The following SOX6 variants were observed in gnomAD, a reference collection of about 807,000 sequenced individuals.
SOX6 encodes transcription factor SOX-6.
In SOX6, 11 loss-of-function variants were observed where a neutral mutation model predicts 97.8. The observed-to-expected ratio is 0.11, with a 90% CI of 0.07 to 0.19. The LOEUF (loss-of-function observed/expected upper bound fraction) is 0.19, where lower values mean the gene tolerates loss of function less well. Among genes scored for constraint, SOX6 ranks in the 10% least tolerant of loss-of-function variants. The pLI is 1.00. For missense variants in SOX6, 810 were observed against 1,039.5 expected (o/e 0.78, Z 3.04); for synonymous variants, 360 against 371.4 (o/e 0.97, Z 0.35).
chr11:16,054,642 T>C (rs537116592), intron 10 of SOX6, among the ~76,000 whole-genome samples: 13 of 152,256 alleles, frequency 8.5e-5, no homozygotes, highest in Non-Finnish European at 1.8e-4. Context: ...ATTTCAGTGA[T>C]TATATAGCAT....
At chr11:16,453,621 C>A (rs1157851593) in intron 1 of SOX6, among the ~76,000 whole-genome samples, 1 of 152,090 alleles carries the variant, frequency 6.6e-6, no homozygotes, top group Non-Finnish European at 1.5e-5. Context: ...AACTCTTACC[C>A]TTTCCTATGT....
chr11:16,325,323 C>T (rs1171782370), intron 2 of SOX6, among the ~76,000 whole-genome samples: 2 of 151,790 alleles, frequency 1.3e-5, no homozygotes, highest in Admixed American at 6.6e-5. Context: ...AAATGTGCTC[C>T]CCCACACACA....
intron 9 of SOX6, among the ~76,000 whole-genome samples, chr11:16,058,266 C>T (rs1847866879): frequency 6.6e-6 from 1 of 151,912 alleles, no homozygotes; most frequent in Non-Finnish European, 1.5e-5. Context: ...TCTCTGATTG[C>T]TTCTTTTTAT....
At chr11:16,639,884 A>G (rs572394109) in intron 3 of SOX6, among the ~76,000 whole-genome samples, 57 of 152,144 alleles carry the variant, frequency 3.7e-4, no homozygotes, top group African/African-American at 1.3e-3. Flanking sequence ...CTCTTTTCCT[A>G]ATTGAATACC....
intron 2 of SOX6, among the ~76,000 whole-genome samples, chr11:16,339,981 T>C (rs1254086883): frequency 6.6e-6 from 1 of 152,092 alleles, no homozygotes; most frequent in Non-Finnish European, 1.5e-5. Flanking sequence ...GTCTAGAAAC[T>C]ACCTTTCAAT....
At chr11:16,721,395 G>A (rs1469220127) in intron 2 of SOX6, among the ~76,000 whole-genome samples, 2 of 152,128 alleles carry the variant, frequency 1.3e-5, no homozygotes, top group African/African-American at 4.8e-5. Context: ...TCCCCCAAGG[G>A]GGAAACTTGA....
chr11:16,308,222 A>G (rs1855494974), intron 3 of SOX6, among the ~76,000 whole-genome samples: 1 of 152,232 alleles, frequency 6.6e-6, no homozygotes, highest in African/African-American at 2.4e-5. Flanking sequence ...GGACAGTTTC[A>G]AGCATAATGA....
chr11:16,634,832 G>A (rs997202949), intron 3 of SOX6, among the ~76,000 whole-genome samples: 1 of 152,152 alleles, frequency 6.6e-6, no homozygotes, highest in African/African-American at 2.4e-5. Context: ...CCAGTGAGGG[G>A]TAATCGAATC....
In SOX6 at chr11:15,971,290, A is replaced by G. The variant is rs545042156; in HGVS notation, c.*1519T>C. The G allele has an allele frequency of 6.5e-6, 1 of 152,732 alleles. No individual in the cohort carries two copies. Among genetic ancestry groups the G allele is most frequent in the African/African-American group, 2.4e-5 (1 of 41,552 alleles). 9.5% of individuals were successfully genotyped at this position (152,732 alleles called of 1,614,324 possible). On this transcript the variant is annotated 3_prime_UTR_variant, in exon 16 of 16. Coordinates refer to ENST00000683767, the MANE Select transcript of SOX6 (RefSeq NM_001367873.1). ...CTGAGGCTGTCATGTGGCTTTTTGCATCCTGGGGATTTTGCAATGAACTCC... is the reference window on the plus strand; with the variant it reads ...CTGAGGCTGTCATGTGGCTTTTTGCGTCCTGGGGATTTTGCAATGAACTCC...
At chr11:16,387,056 A>G (rs913899162) in intron 1 of SOX6, among the ~76,000 whole-genome samples, 2 of 152,146 alleles carry the variant, frequency 1.3e-5, no homozygotes, top group Non-Finnish European at 2.9e-5. Flanking sequence ...GATTAACTTA[A>G]CATGTATCTC....
intron 2 of SOX6, among the ~76,000 whole-genome samples, chr11:16,718,266 A>T (rs79391566): frequency 1.3e-5 from 2 of 151,516 alleles, no homozygotes; most frequent in African/African-American, 2.4e-5. Context: ...AAAAAAAAAA[A>T]TTTCATTCCT....
intron 12 of SOX6, among the ~76,000 whole-genome samples, chr11:16,039,730 A>T (rs1394110701): frequency 6.6e-6 from 1 of 152,094 alleles, no homozygotes; most frequent in Non-Finnish European, 1.5e-5. Flanking sequence ...ATACTAAAAA[A>T]TGGTATTTAT....
chr11:16,320,995 T>C (rs1353057658), intron 2 of SOX6, among the ~76,000 whole-genome samples: 1 of 152,148 alleles, frequency 6.6e-6, no homozygotes, highest in South Asian at 2.1e-4. Context: ...TCTCACTTAA[T>C]GTTTACAAGA....
At chr11:16,042,051 A>G (rs1855683575) in intron 12 of SOX6, among the ~76,000 whole-genome samples, 1 of 152,198 alleles carries the variant, frequency 6.6e-6, no homozygotes, top group Non-Finnish European at 1.5e-5. Flanking sequence ...TATATGCTGT[A>G]CATATGCTTT....
At chr11:15,978,264 T>C (rs1212041332) in intron 15 of SOX6, among the ~76,000 whole-genome samples, 1 of 152,050 alleles carries the variant, frequency 6.6e-6, no homozygotes, top group East Asian at 1.9e-4. Context: ...TCTTTCTTCA[T>C]TTCTTCTACT....
Position 16,291,557 on chromosome 11 carries a change from C to T in SOX6, c.445+26889G>A, listed in dbSNP as rs185210040. On this transcript the variant is annotated intron_variant, in intron 3 of 15. Transcript: ENST00000683767. ...TTCTAATGGCTCCAGCCTAAAGGTGCTATTTAAACTGAGTTATTTACCATA... is the reference window on the plus strand; with the variant it reads ...TTCTAATGGCTCCAGCCTAAAGGTGTTATTTAAACTGAGTTATTTACCATA... 1.4e-3 allele frequency among the ~76,000 whole-genome samples: 216 copies of T among 151,844 alleles called. 1 individual carries two copies. The highest frequency in any genetic ancestry group is 5.1e-3 in the African/African-American group (210 of 41,432).
intron 3 of SOX6, among the ~76,000 whole-genome samples, chr11:16,279,875 T>C (rs1006458160): frequency 1.3e-5 from 2 of 152,092 alleles, no homozygotes; most frequent in Non-Finnish European, 2.9e-5. Flanking sequence ...TTAAATTGTA[T>C]ACCAATGAGG....
At chr11:16,722,284 C>T (rs966036004) in intron 2 of SOX6, among the ~76,000 whole-genome samples, 9 of 152,162 alleles carry the variant, frequency 5.9e-5, no homozygotes, top group Non-Finnish European at 1.2e-4. Flanking sequence ...TGACAAAGGT[C>T]TAATATCCAG....
intron 3 of SOX6, among the ~76,000 whole-genome samples, chr11:16,243,334 C>T (rs7933437): frequency 0.95 from 144,434 of 151,964 alleles, 69,058 homozygotes; most frequent in East Asian, 1. Flanking sequence ...TACCACAATA[C>T]GATAACTACA....
Sources: gnomAD v4.1 joint callset for allele counts (sites outside exome capture counted in the v4.1 genomes callset) on GRCh38, gnomAD v4.1.1 for gene constraint, MANE v1.5 for transcripts, NCBI Gene and HGNC (gene_info 2026-07-23, HGNC 2026-07-21) for gene names.